ANP32B: variants seen among roughly 807,000 people sequenced by gnomAD.
The protein encoded by ANP32B is acidic nuclear phosphoprotein 32 family member B, also known as acidic leucine-rich nuclear phosphoprotein 32 family member B.
Under a neutral mutation model 32.2 loss-of-function variants are expected in ANP32B, and 6 were observed. That is an observed-to-expected ratio of 0.19 (90% CI 0.10 to 0.37). ANP32B has a LOEUF of 0.37. Ranked by LOEUF, ANP32B falls within the 10% of genes least tolerant of loss-of-function variation. The probability of loss-of-function intolerance (pLI) is 1.00; values close to 1 mark genes in which losing one functional copy is unlikely to be tolerated. For synonymous variants in ANP32B, 98 were observed against 105.8 expected (o/e 0.93, Z 0.45); for missense variants, 204 against 289.2 (o/e 0.71, Z 2.14).
At chr9:97,991,031 A>G (rs1428334553) in intron 1 of ANP32B, among the ~76,000 whole-genome samples, 2 of 151,714 alleles carry the variant, frequency 1.3e-5, no homozygotes, top group Non-Finnish European at 2.9e-5. Context: ...CAGGTTGGCC[A>G]GGCTGGTCTC....
chr9:98,003,285 T>C (rs938066261), intron 3 of ANP32B, among the ~76,000 whole-genome samples: 6 of 152,220 alleles, frequency 3.9e-5, no homozygotes, highest in Non-Finnish European at 8.8e-5. Context: ...GTTCCCTGCA[T>C]GAATAAAACA....
rs553443124 is a variant in ANP32B at position 98,009,472 on chromosome 9, G to A, written c.518-1799G>A. 2.8e-4 allele frequency among the ~76,000 whole-genome samples: 42 copies of A among 152,336 alleles called. 1 individual carries two copies. The South Asian group carries it at 8.1e-3, about 29-fold the overall frequency. On this transcript the variant is annotated intron_variant, in intron 4 of 6. Coordinates refer to ENST00000339399, the MANE Select transcript of ANP32B (RefSeq NM_006401.3). The stretch of plus-strand genomic sequence containing the variant: ...CAGATGCAGGGAAGGGGTTGGGGGC[G>A]GCAGCTGAATGGTTTTGGGATGAAA...
intron 4 of ANP32B, among the ~76,000 whole-genome samples, chr9:98,010,708 A>C (rs1828168412): frequency 6.6e-6 from 1 of 152,158 alleles, no homozygotes; most frequent in African/African-American, 2.4e-5. Flanking sequence ...AGGTCCGAAC[A>C]ACCAGCTAGA....
chr9:97,985,057 C>T (rs1399222371), intron 1 of ANP32B, among the ~76,000 whole-genome samples: 1 of 149,588 alleles, frequency 6.7e-6, no homozygotes, highest in Non-Finnish European at 1.5e-5. Context: ...CGGCTGCCCG[C>T]CGTCGCGAGC....
intron 1 of ANP32B, among the ~76,000 whole-genome samples, chr9:97,991,422 G>A (rs931001260): frequency 2.6e-5 from 4 of 151,920 alleles, no homozygotes; most frequent in Admixed American, 2.0e-4. Flanking sequence ...GCCTTGAACA[G>A]TTTTTTTTAG....
intron 3 of ANP32B, among the ~76,000 whole-genome samples, chr9:98,003,077 C>T (rs1435046899): frequency 6.6e-6 from 1 of 152,154 alleles, no homozygotes; most frequent in African/African-American, 2.4e-5. Context: ...AAGTCAGGGC[C>T]TGACTGGAAG....
chr9:97,986,751 G>A (rs1278294212), intron 1 of ANP32B: 4 of 152,246 alleles, frequency 2.6e-5, no homozygotes, highest in Admixed American at 1.3e-4. Context: ...GACTTGTCGT[G>A]TGGGGTAACA....
chr9:98,014,517 T>C (rs900390199), intron 6 of ANP32B, among the ~76,000 whole-genome samples: 2 of 152,246 alleles, frequency 1.3e-5, no homozygotes, highest in African/African-American at 2.4e-5. Context: ...AGTCTCTGTG[T>C]CTCGACTACA....
chr9:98,015,303 G>T, intron 6 of ANP32B, 61 bp from the exon 7 acceptor site: 1 of 1,537,254 alleles, frequency 6.5e-7, no homozygotes, highest in South Asian at 1.2e-5. Context: ...TGCCTCCATT[G>T]GCAATAATCT....
chr9:97,984,689 C>T (rs1051931547), intron 1 of ANP32B: 2 of 150,820 alleles, frequency 1.3e-5, no homozygotes, highest in African/African-American at 2.4e-5. Flanking sequence ...GCGCCGAGCC[C>T]TCGGTCTGTT....
chr9:98,015,251 T>G (rs887419063), intron 6 of ANP32B, 113 bp from the exon 7 acceptor site: 1 of 1,450,068 alleles, frequency 6.9e-7, no homozygotes, highest in Admixed American at 2.3e-5. Flanking sequence ...TGATCAAGTT[T>G]ACATTGTTTT....
At chr9:98,007,641 G>C (rs528908808) in intron 4 of ANP32B, among the ~76,000 whole-genome samples, 1 of 152,158 alleles carries the variant, frequency 6.6e-6, no homozygotes, top group African/African-American at 2.4e-5. Flanking sequence ...CAGATGGAGC[G>C]GCTGCCATGG....
At chr9:98,007,130 A>T (rs1283741691) in intron 4 of ANP32B, among the ~76,000 whole-genome samples, 1 of 152,244 alleles carries the variant, frequency 6.6e-6, no homozygotes, top group Non-Finnish European at 1.5e-5. Context: ...CTCCCACTTC[A>T]TCAAATGTGA....
intron 1 of ANP32B, among the ~76,000 whole-genome samples, chr9:97,987,815 T>G (rs551212164): frequency 7.9e-5 from 12 of 152,320 alleles, no homozygotes; most frequent in African/African-American, 2.6e-4. Flanking sequence ...CTTTTTTTGA[T>G]CCGCACCCCC....
At chr9:98,009,178 A>G (rs1440342689) in intron 4 of ANP32B, among the ~76,000 whole-genome samples, 2 of 152,252 alleles carry the variant, frequency 1.3e-5, no homozygotes, top group Admixed American at 1.3e-4. Context: ...ATCTCTGATC[A>G]TAACATAGAA....
chr9:98,010,906 A>T (rs1828172011), intron 4 of ANP32B, among the ~76,000 whole-genome samples: 1 of 152,144 alleles, frequency 6.6e-6, no homozygotes, highest in East Asian at 1.9e-4. Flanking sequence ...AAATAATAGC[A>T]AAATGAACCC....
In ANP32B at chr9:97,988,080, AT is replaced by A. The variant is rs552821267; in HGVS notation, c.54+4477del. ...TATTATAGTCTACCAGAATGTTTAA[AT>A]TTTTTCTAAACTTGGTTCATGCAAA... is the stretch of plus-strand genomic sequence containing the variant. On this transcript the variant is annotated intron_variant, in intron 1 of 6. Transcript: ENST00000339399. 1.6e-4 allele frequency among the ~76,000 whole-genome samples: 24 copies of A among 151,984 alleles called. No homozygotes were observed. In the East Asian group the frequency reaches 3.9e-3, roughly 25 times the overall value.
rs1490361423 is a variant in ANP32B at position 98,004,958 on chromosome 9, C to T, written c.328-6C>T. On this transcript the variant is annotated splice_region_variant and splice_polypyrimidine_tract_variant and intron_variant, in intron 3 of 6. Transcript: ENST00000339399. Reference sequence around the variant, plus strand: ...AGGAGTTGTGGTTTTTGATCCTTTTCTTCAGAAAAAGTTAGAATGTCTGAA... The same window carrying T: ...AGGAGTTGTGGTTTTTGATCCTTTTTTTCAGAAAAAGTTAGAATGTCTGAA... The T allele has an allele frequency of 1.3e-6, 2 of 1,598,182 alleles. No individual in the cohort carries two copies. Among genetic ancestry groups the T allele is most frequent in the South Asian group, 2.2e-5 (2 of 89,664 alleles).
intron 4 of ANP32B, among the ~76,000 whole-genome samples, chr9:98,010,829 G>A (rs1276311222): frequency 7.7e-6 from 1 of 129,494 alleles, no homozygotes; most frequent in African/African-American, 3.5e-5. Context: ...ATACCCAAGA[G>A]AAGGTACATG....
Sources: allele counts gnomAD v4.1 joint callset (sites outside exome capture counted in the v4.1 genomes callset), GRCh38; gene constraint gnomAD v4.1.1; transcripts MANE v1.5; gene names NCBI Gene and HGNC (gene_info 2026-07-23, HGNC 2026-07-21).